WDR49: variants seen among roughly 807,000 people sequenced by gnomAD.
The protein encoded by WDR49 is WD repeat domain 49.
Under a neutral mutation model 119.5 loss-of-function variants are expected in WDR49, and 107 were observed. The observed-to-expected ratio is 0.90, with a 90% CI of 0.77 to 1.05. The LOEUF is 1.05. Among genes scored for constraint, WDR49 ranks in the 50% least tolerant of loss-of-function variants. WDR49 has a pLI of 0.00. For synonymous variants in WDR49, 425 were observed against 418.8 expected (o/e 1.01, Z -0.18); for missense variants, 1,240 against 1,220.5 (o/e 1.02, Z -0.24).
At chr3:167,547,907 A>G (rs1351484821) in intron 10 of WDR49, among the ~76,000 whole-genome samples, 2 of 152,050 alleles carry the variant, frequency 1.3e-5, no homozygotes, top group Non-Finnish European at 2.9e-5. Context: ...TGAAGAAAAT[A>G]CAAAAAGCCT....
chr3:167,613,939 C>CA lies in WDR49; in HGVS notation c.958+6489dup, dbSNP rs113461805. The stretch of plus-strand genomic sequence containing the variant: ...TGGGTGACAGAGCAAGACTCTGTCT[C>CA]AAAAAAAAAAAAAAAGCAATTAGTG... On this transcript the variant is annotated intron_variant, in intron 5 of 18. Coordinates refer to ENST00000682715, the MANE Select transcript of WDR49 (RefSeq NM_001366157.1). Among the ~76,000 whole-genome samples, 214 of 107,380 alleles carry CA rather than the reference C, an allele frequency of 2.0e-3. 2 individuals are homozygous for CA. The highest frequency in any genetic ancestry group is 5.4e-3 in the South Asian group (15 of 2,760). The allele number at this position is 107,380 out of a possible 152,430, so 70.4% of individuals were successfully genotyped here.
chr3:167,514,217 C>G (rs1752104001), intron 16 of WDR49, among the ~76,000 whole-genome samples: 1 of 152,174 alleles, frequency 6.6e-6, no homozygotes, highest in Non-Finnish European at 1.5e-5. Flanking sequence ...AAGTAAAACA[C>G]TCCTCAGCAA....
intron 2 of WDR49, among the ~76,000 whole-genome samples, chr3:167,643,278 C>T (rs1284562436): frequency 1.3e-5 from 2 of 151,994 alleles, no homozygotes; most frequent in African/African-American, 2.4e-5. Context: ...ATGGGACTCT[C>T]GATGCCTTAC....
rs1158612867 is a variant in WDR49, at chr3:167,531,108, A to G, written c.2218+7T>C. 2 of 1,606,804 alleles carry G rather than the reference A, an allele frequency of 1.2e-6. No individual in the cohort carries two copies. The highest frequency in any genetic ancestry group is 2.2e-5 in the East Asian group (1 of 44,760). Reference sequence around the variant, plus strand: ...AACTATATGTAAAATGTAAATATATATTTTACCTGTCACTGCAGTGTTTTT... The same window carrying G: ...AACTATATGTAAAATGTAAATATATGTTTTACCTGTCACTGCAGTGTTTTT... On this transcript the variant is annotated splice_region_variant and intron_variant, in intron 13 of 18. Coordinates refer to ENST00000682715, the MANE Select transcript of WDR49 (RefSeq NM_001366157.1).
chr3:167,621,722 CTA>C, intron 3 of WDR49, 79 bp from the exon 4 acceptor site: 1 of 1,324,152 alleles, frequency 7.6e-7, no homozygotes, highest in East Asian at 2.6e-5. Context: ...ACACGCCACT[CTA>C]ATTGCCAAAT....
intron 8 of WDR49, among the ~76,000 whole-genome samples, chr3:167,565,510 G>A (rs1713543784): frequency 6.6e-6 from 1 of 151,950 alleles, no homozygotes; most frequent in African/African-American, 2.4e-5. Flanking sequence ...GGAAAATATA[G>A]CTAAGAAGGA....
intron 10 of WDR49, among the ~76,000 whole-genome samples, chr3:167,551,632 G>A (rs750874040): frequency 4.0e-5 from 6 of 151,812 alleles, no homozygotes; most frequent in African/African-American, 2.4e-5. Flanking sequence ...TTCAAGCTTC[G>A]GTAGCCTCCC....
chr3:167,609,219 C>T (rs7630999), intron 5 of WDR49, among the ~76,000 whole-genome samples: 4,805 of 151,994 alleles, frequency 0.032, 216 homozygotes, highest in East Asian at 0.17. Context: ...AACACTTTTA[C>T]AAAAAACAAA....
intron 18 of WDR49, among the ~76,000 whole-genome samples, chr3:167,485,987 A>T (rs1187550488): frequency 6.6e-6 from 1 of 152,032 alleles, no homozygotes; most frequent in Non-Finnish European, 1.5e-5. Context: ...GAAAAAAAAA[A>T]GGCAGTTAGA....
intron 10 of WDR49, among the ~76,000 whole-genome samples, chr3:167,537,847 G>A (rs1219084066): frequency 6.6e-6 from 1 of 151,928 alleles, no homozygotes; most frequent in African/African-American, 2.4e-5. Context: ...CAAAGTTATG[G>A]GGTCTTTCAC....
At chr3:167,637,202 C>G (rs1270569538) in intron 2 of WDR49, among the ~76,000 whole-genome samples, 1 of 151,558 alleles carries the variant, frequency 6.6e-6, no homozygotes, top group African/African-American at 2.4e-5. Context: ...GTTTCATTCT[C>G]CTACATGTGG....
chr3:167,613,773 C>A (rs892890604), intron 5 of WDR49, among the ~76,000 whole-genome samples: 1 of 151,804 alleles, frequency 6.6e-6, no homozygotes, highest in Non-Finnish European at 1.5e-5. Context: ...GGCGAAACCC[C>A]GTCTCTACAA....
chr3:167,621,053 T>A (rs1716845449), intron 4 of WDR49, among the ~76,000 whole-genome samples: 1 of 152,078 alleles, frequency 6.6e-6, no homozygotes, highest in Admixed American at 6.6e-5. Flanking sequence ...GAGCACTCGG[T>A]AGGAAATTGG....
chr3:167,607,496 T>G (rs1716118199), intron 5 of WDR49, among the ~76,000 whole-genome samples: 1 of 152,192 alleles, frequency 6.6e-6, no homozygotes, highest in African/African-American at 2.4e-5. Flanking sequence ...GCTCTCACCC[T>G]ATAATAATCT....
intron 15 of WDR49, among the ~76,000 whole-genome samples, chr3:167,523,486 C>A (rs1017848340): frequency 6.6e-6 from 1 of 151,730 alleles, no homozygotes; most frequent in Admixed American, 6.6e-5. Context: ...CCTATCAACC[C>A]ATCATCTAAG....
intron 16 of WDR49, among the ~76,000 whole-genome samples, chr3:167,509,807 G>T (rs959899485): frequency 1.3e-5 from 2 of 152,150 alleles, no homozygotes; most frequent in African/African-American, 4.8e-5. Flanking sequence ...TTGAAATAAA[G>T]AAAATGGTTA....
chr3:167,514,231 C>A (rs906843817), intron 16 of WDR49, among the ~76,000 whole-genome samples: 1 of 152,036 alleles, frequency 6.6e-6, no homozygotes, highest in African/African-American at 2.4e-5. Flanking sequence ...TCAGCAAATG[C>A]AAAAGAACTG....
intron 8 of WDR49, among the ~76,000 whole-genome samples, chr3:167,570,241 T>C (rs535097538): frequency 6.6e-6 from 1 of 152,322 alleles, no homozygotes; most frequent in South Asian, 2.1e-4. Flanking sequence ...GATTTTGCAC[T>C]AAATGTAAGC....
intron 8 of WDR49, among the ~76,000 whole-genome samples, chr3:167,568,294 A>G (rs1334022525): frequency 1.3e-5 from 2 of 152,202 alleles, no homozygotes; most frequent in Non-Finnish European, 2.9e-5. Context: ...TTATCAAACT[A>G]TCCTTTGCTG....
Sources: allele counts gnomAD v4.1 joint callset (sites outside exome capture counted in the v4.1 genomes callset), GRCh38; gene constraint gnomAD v4.1.1; transcripts MANE v1.5; gene names NCBI Gene and HGNC (gene_info 2026-07-23, HGNC 2026-07-21).